The following TENM3 variants were observed in gnomAD, a reference collection of about 807,000 sequenced individuals.
The protein encoded by TENM3 is teneurin transmembrane protein 3.
TENM3 carries 63 observed loss-of-function variants against 255.1 expected under a neutral mutation model. That is an observed-to-expected ratio of 0.25 (90% CI 0.20 to 0.30). The LOEUF (loss-of-function observed/expected upper bound fraction) is 0.30, where lower values mean the gene tolerates loss of function less well. Among genes scored for constraint, TENM3 ranks in the 10% least tolerant of loss-of-function variants. TENM3 has a pLI of 1.00. For synonymous variants in TENM3, 1,306 were observed against 1,322.3 expected (o/e 0.99, Z 0.27); for missense variants, 2,929 against 3,461.1 (o/e 0.85, Z 3.86).
intron 1 of TENM3, among the ~76,000 whole-genome samples, chr4:182,292,028 A>G (rs1300163445): frequency 6.6e-6 from 1 of 152,158 alleles, no homozygotes; most frequent in Non-Finnish European, 1.5e-5. Context: ...AAACATTTTT[A>G]TGCTCGTCTT....
At chr4:181,870,506 G>A in the TENM3 span, among the ~76,000 whole-genome samples, 1 of 152,078 alleles carries the variant, frequency 6.6e-6, no homozygotes, top group Non-Finnish European at 1.5e-5. Flanking sequence ...TGATCTCACT[G>A]TGGCTTTAGT....
chr4:181,871,110 T>C, the TENM3 span, among the ~76,000 whole-genome samples: 1 of 152,110 alleles, frequency 6.6e-6, no homozygotes, highest in South Asian at 2.1e-4. Flanking sequence ...TTCTATTTTA[T>C]TGATCTATTC....
the TENM3 span, among the ~76,000 whole-genome samples, chr4:181,734,647 C>T: frequency 6.6e-6 from 1 of 151,936 alleles, no homozygotes; most frequent in Non-Finnish European, 1.5e-5. Context: ...CAAGATTTTC[C>T]AAAGCACAGG....
the TENM3 span, among the ~76,000 whole-genome samples, chr4:181,605,584 G>GATAGAAA: frequency 8.7e-5 from 6 of 69,144 alleles, no homozygotes; most frequent in Admixed American, 1.6e-4. Flanking sequence ...GAGAAAGAAA[G>GATAGAAA]GAAAGAAAGA....
chr4:181,716,992 G>A, the TENM3 span, among the ~76,000 whole-genome samples: 8 of 152,126 alleles, frequency 5.3e-5, no homozygotes, highest in Admixed American at 2.0e-4. Context: ...AAGCAGAAGC[G>A]CAGAATGTAC....
chr4:182,689,934 T>A (rs1383974168), intron 12 of TENM3, among the ~76,000 whole-genome samples: 5 of 152,250 alleles, frequency 3.3e-5, no homozygotes, highest in Non-Finnish European at 5.9e-5. Context: ...TCTTCCAGTG[T>A]GGCCCAGAGA....
In TENM3 at chr4:182,663,370, T is replaced by G. The variant is rs138631263; in HGVS notation, c.1111+9477T>G. Among the ~76,000 whole-genome samples, 544 of 152,312 alleles carry G rather than the reference T, an allele frequency of 3.6e-3. 3 individuals are homozygous for G. The highest frequency in any genetic ancestry group is 0.013 in the African/African-American group (534 of 41,580). On this transcript the variant is annotated intron_variant, in intron 6 of 27. Coordinates refer to ENST00000511685, the MANE Select transcript of TENM3 (RefSeq NM_001080477.4). ...CTATATTAAATTATACTTACAATTA[T>G]TAGTTGTACACATTTGACTGAAAAC...
the TENM3 span, among the ~76,000 whole-genome samples, chr4:181,789,099 C>T: frequency 2.0e-3 from 299 of 152,156 alleles, 2 homozygotes; most frequent in South Asian, 0.015. Context: ...TGCACTAAGA[C>T]GGCGATTAAT....
At chr4:181,606,691 T>C in the TENM3 span, among the ~76,000 whole-genome samples, 3 of 152,164 alleles carry the variant, frequency 2.0e-5, no homozygotes, top group South Asian at 6.2e-4. Context: ...CTTTTTTGTA[T>C]GGTAAGATGG....
At chr4:182,289,806 C>T (rs1327583398) in intron 1 of TENM3, among the ~76,000 whole-genome samples, 2 of 152,150 alleles carry the variant, frequency 1.3e-5, no homozygotes, top group African/African-American at 4.8e-5. Context: ...TTTCATTTTC[C>T]AATGTCTTCA....
the TENM3 span, among the ~76,000 whole-genome samples, chr4:182,033,036 G>C: frequency 2.0e-5 from 3 of 146,896 alleles, no homozygotes; most frequent in Non-Finnish European, 4.5e-5. Context: ...TTGCATGTCT[G>C]TCTCCTTTAG....
At chr4:181,614,653 G>A in the TENM3 span, among the ~76,000 whole-genome samples, 1 of 152,158 alleles carries the variant, frequency 6.6e-6, no homozygotes, top group Non-Finnish European at 1.5e-5. Context: ...CTCACTGAAG[G>A]GTGAGCAGTC....
intron 13 of TENM3, among the ~76,000 whole-genome samples, chr4:182,717,326 C>T (rs994341662): frequency 2.0e-5 from 3 of 152,154 alleles, no homozygotes; most frequent in Non-Finnish European, 4.4e-5. Flanking sequence ...ATAGGAAGAA[C>T]GTAGATGGGG....
chr4:182,273,908 T>C (rs2150231868), intron 1 of TENM3, among the ~76,000 whole-genome samples: 1 of 152,352 alleles, frequency 6.6e-6, no homozygotes, highest in South Asian at 2.1e-4. Context: ...ATGGAAATAG[T>C]TATCTTTCGA....
intron 11 of TENM3, 43 bp from the exon 12 acceptor site, chr4:182,688,123 G>T: frequency 6.8e-7 from 1 of 1,480,258 alleles, no homozygotes; most frequent in Non-Finnish European, 9.1e-7. Flanking sequence ...TCTCTCTCCC[G>T]CCACTCTTCT....
At chr4:181,772,761 C>T in the TENM3 span, among the ~76,000 whole-genome samples, 4 of 152,172 alleles carry the variant, frequency 2.6e-5, no homozygotes, top group African/African-American at 9.7e-5. Flanking sequence ...TGGTATACTA[C>T]AGACCTTGGT....
chr4:182,052,027 T>G, the TENM3 span, among the ~76,000 whole-genome samples: 2 of 152,098 alleles, frequency 1.3e-5, no homozygotes, highest in Non-Finnish European at 2.9e-5. Context: ...GGAGGGGGTA[T>G]TACTGGCCTC....
chr4:182,654,860 T>C (rs1015043008), intron 6 of TENM3, among the ~76,000 whole-genome samples: 10 of 152,056 alleles, frequency 6.6e-5, no homozygotes, highest in African/African-American at 2.2e-4. Flanking sequence ...TTTTTTATTC[T>C]TTTTTTTCCT....
the TENM3 span, among the ~76,000 whole-genome samples, chr4:181,775,706 A>G: frequency 2.0e-5 from 3 of 152,292 alleles, no homozygotes; most frequent in Non-Finnish European, 2.9e-5. Context: ...TTGGACGCTT[A>G]CAAAATTCAC....
Sources: allele counts gnomAD v4.1 joint callset (sites outside exome capture counted in the v4.1 genomes callset), GRCh38; gene constraint gnomAD v4.1.1; transcripts MANE v1.5; gene names NCBI Gene and HGNC (gene_info 2026-07-23, HGNC 2026-07-21).